CDH2: variants seen among roughly 807,000 people sequenced by gnomAD.
The protein encoded by CDH2 is cadherin-2.
CDH2 carries 17 observed loss-of-function variants against 92.0 expected under a neutral mutation model. That is an observed-to-expected ratio of 0.18 (90% CI 0.13 to 0.28). CDH2 has a LOEUF of 0.28. CDH2 is among the 10% of genes least tolerant of loss of function. The probability of loss-of-function intolerance (pLI) is 1.00; values close to 1 mark genes in which losing one functional copy is unlikely to be tolerated. For missense variants in CDH2, 862 were observed against 1,133.1 expected (o/e 0.76, Z 3.44); for synonymous variants, 419 against 415.9 (o/e 1.01, Z -0.09).
intron 1 of CDH2, among the ~76,000 whole-genome samples, chr18:28,158,663 A>G (rs1348732414): frequency 3.3e-5 from 5 of 152,236 alleles, no homozygotes; most frequent in Non-Finnish European, 1.5e-5. Context: ...CCTCTCAGGG[A>G]ATCTACAAAA....
chr18:28,101,322 T>C (rs762297834), intron 2 of CDH2, among the ~76,000 whole-genome samples: 1 of 152,146 alleles, frequency 6.6e-6, no homozygotes, highest in Non-Finnish European at 1.5e-5. Context: ...ACAAAAACTC[T>C]ACCTCCCTAG....
chr18:27,957,122 T>C (rs1598986583), intron 15 of CDH2, among the ~76,000 whole-genome samples: 1 of 24,558 alleles, frequency 4.1e-5, no homozygotes. Flanking sequence ...ATCTGATTAA[T>C]ATCCATCCAT....
At chr18:28,153,522 GA>G (rs1178047871) in intron 1 of CDH2, among the ~76,000 whole-genome samples, 1 of 152,206 alleles carries the variant, frequency 6.6e-6, no homozygotes, top group Non-Finnish European at 1.5e-5. Flanking sequence ...ATGGTTTGGG[GA>G]AATCTGCCCA....
chr18:28,065,206 G>A (rs1487859567), intron 2 of CDH2, among the ~76,000 whole-genome samples: 2 of 152,052 alleles, frequency 1.3e-5, no homozygotes, highest in Non-Finnish European at 2.9e-5. Context: ...CATTCACCAA[G>A]GGTTTTTATC....
chr18:28,161,041 G>T (rs1234420608), intron 1 of CDH2, among the ~76,000 whole-genome samples: 1 of 152,114 alleles, frequency 6.6e-6, no homozygotes, highest in Admixed American at 6.5e-5. Context: ...TTAGTTCAAA[G>T]CTTGCAGATT....
intron 14 of CDH2, among the ~76,000 whole-genome samples, chr18:27,977,088 C>T (rs1211480760): frequency 6.6e-6 from 1 of 152,084 alleles, no homozygotes; most frequent in Non-Finnish European, 1.5e-5. Context: ...ACATGCCTTA[C>T]TAACCAGCAA....
At chr18:28,102,613 T>C (rs796327152) in intron 2 of CDH2, among the ~76,000 whole-genome samples, 3 of 152,196 alleles carry the variant, frequency 2.0e-5, no homozygotes, top group African/African-American at 7.2e-5. Context: ...ATATGCAAAT[T>C]ATTCCCTTGC....
intron 2 of CDH2, among the ~76,000 whole-genome samples, chr18:28,112,299 C>G (rs1335252175): frequency 1.3e-5 from 2 of 152,106 alleles, no homozygotes; most frequent in Non-Finnish European, 1.5e-5. Context: ...AAAATAAAAC[C>G]TTCTGACTTG....
intron 14 of CDH2, among the ~76,000 whole-genome samples, chr18:27,966,515 T>C (rs746241404): frequency 1.8e-4 from 28 of 152,182 alleles, no homozygotes; most frequent in Admixed American, 1.4e-3. Context: ...TAAAATTGCA[T>C]TTTGATTGGC....
intron 1 of CDH2, among the ~76,000 whole-genome samples, chr18:28,151,549 A>G (rs1224729696): frequency 1.3e-5 from 2 of 152,152 alleles, no homozygotes; most frequent in Non-Finnish European, 2.9e-5. Flanking sequence ...TAACACTGCT[A>G]TCGGTATGAG....
intron 2 of CDH2, among the ~76,000 whole-genome samples, chr18:28,054,540 A>G (rs1264817476): frequency 6.6e-6 from 1 of 152,166 alleles, no homozygotes; most frequent in Non-Finnish European, 1.5e-5. Flanking sequence ...AACCAAAACC[A>G]TGATGTTCCA....
chr18:27,989,480 G>GT (rs962710912), intron 10 of CDH2, among the ~76,000 whole-genome samples: 14 of 152,122 alleles, frequency 9.2e-5, no homozygotes, highest in African/African-American at 2.9e-4. Context: ...TTTAGCAGCA[G>GT]TTCTGTAAGA....
chr18:28,135,328 T>G (rs945427405), intron 2 of CDH2, among the ~76,000 whole-genome samples: 23 of 152,210 alleles, frequency 1.5e-4, no homozygotes, highest in African/African-American at 5.5e-4. Context: ...GGCAGCCAAA[T>G]GAAGAATGGA....
At chr18:27,984,329 C>T (rs994854164) in intron 13 of CDH2, among the ~76,000 whole-genome samples, 5 of 152,204 alleles carry the variant, frequency 3.3e-5, no homozygotes, top group Admixed American at 3.3e-4. Context: ...TTTTAACCTG[C>T]ATGCTTAGAA....
intron 13 of CDH2, 131 bp downstream of exon 13, chr18:27,984,869 T>C: frequency 1.5e-6 from 1 of 672,596 alleles, no homozygotes; most frequent in Non-Finnish European, 2.6e-6. Context: ...GACCCATATA[T>C]GATTGGCGAG....
At chr18:28,027,853 T>G (rs886489728) in intron 2 of CDH2, among the ~76,000 whole-genome samples, 13 of 151,932 alleles carry the variant, frequency 8.6e-5, no homozygotes, top group Middle Eastern at 3.4e-3. Flanking sequence ...TTTGTTTTTT[T>G]TTTTTGCAGA....
Position 27,992,740 on chromosome 18 carries a change from T to G in CDH2, c.1259A>C (p.Tyr420Ser). ...AGTAGGATCTCCGCCACTGATTCTG[T>G]ACACTGCGTTCCAGGCTGGTGTATG... Reference protein sequence around the residue: ...QPHTPAWNAVYRISGGDPTGR... With the variant: ...QPHTPAWNAVSRISGGDPTGR... The change falls in exon 9 of 16, where the codon TAC (tyrosine) becomes TCC (serine). Residue 420 changes from tyrosine to serine, a missense_variant. By Grantham distance (144) the Tyr-to-Ser change is moderately radical (BLOSUM62 -2). Transcript: ENST00000269141. 6.2e-7 allele frequency: 1 copy of G among 1,614,140 alleles called. No homozygotes were observed. Among genetic ancestry groups the G allele is most frequent in the South Asian group, 1.1e-5 (1 of 91,082 alleles).
chr18:28,159,716 G>A (rs1178799495), intron 1 of CDH2, among the ~76,000 whole-genome samples: 1 of 151,672 alleles, frequency 6.6e-6, no homozygotes, highest in East Asian at 1.9e-4. Context: ...GAGTGCAGTG[G>A]CGTAATCTCA....
chr18:28,109,190 T>TA (rs1469875525), intron 2 of CDH2, among the ~76,000 whole-genome samples: 1 of 152,206 alleles, frequency 6.6e-6, no homozygotes, highest in Non-Finnish European at 1.5e-5. Flanking sequence ...AAATTAAGAA[T>TA]ATTTTCCATA....
Sources: allele counts gnomAD v4.1 joint callset (sites outside exome capture counted in the v4.1 genomes callset), GRCh38; gene constraint gnomAD v4.1.1; transcripts MANE v1.5; gene names NCBI Gene and HGNC (gene_info 2026-07-23, HGNC 2026-07-21).